KLRG2: variants seen among roughly 807,000 people sequenced by gnomAD.
KLRG2 encodes killer cell lectin-like receptor subfamily G member 2.
KLRG2 carries 39 observed loss-of-function variants against 35.4 expected under a neutral mutation model. The observed-to-expected ratio is 1.10, with a 90% CI of 0.85 to 1.44. The LOEUF (loss-of-function observed/expected upper bound fraction) is 1.44. KLRG2 is among the 40% of genes most tolerant of loss of function. KLRG2 has a pLI of 0.00. For missense variants in KLRG2, 632 were observed against 570.9 expected (o/e 1.11, Z -1.09); for synonymous variants, 283 against 265.8 (o/e 1.06, Z -0.63).
At chr7:139,475,147 C>T (rs533691461) in intron 3 of KLRG2, among the ~76,000 whole-genome samples, 1 of 152,318 alleles carries the variant, frequency 6.6e-6, no homozygotes, top group East Asian at 1.9e-4. Context: ...TCATGCCTGT[C>T]CAACGAAGTC....
At position 139,482,900 on chromosome 7, in the gene KLRG2, G is replaced by A; in HGVS notation, c.743C>T (p.Ala248Val). ...GLDGDEKLPR[A>V]VTLTGLPMYV... The stretch of plus-strand genomic sequence containing the variant: ...TGAGCACTCACCCGTAAGCGTTACG[G>A]CCCGGGGCAGCTTCTCGTCGCCGTC... The change falls in exon 1 of 5, where the codon GCC becomes GTC. Residue 248 changes from alanine (A) to valine (V), a missense_variant. Physicochemically the swap from Ala to Val is moderately conservative, Grantham distance 64. Transcript: ENST00000340940. The A allele has an allele frequency of 6.7e-7, 1 of 1,485,884 alleles. No homozygotes were observed. The highest frequency in any genetic ancestry group is 8.9e-7 in the Non-Finnish European group (1 of 1,129,416). The allele number at this position is 1,485,884 out of a possible 1,614,324, so 92.0% of individuals were successfully genotyped here.
At chr7:139,458,505 C>T (rs1240747346) in intron 3 of KLRG2, among the ~76,000 whole-genome samples, 1 of 152,136 alleles carries the variant, frequency 6.6e-6, no homozygotes, top group East Asian at 1.9e-4. Context: ...CATCACCATC[C>T]ATCTCCTGAA....
Position 139,453,513 on chromosome 7 carries a change from C to G in KLRG2, c.*74G>C. The G allele has an allele frequency of 6.7e-7, 1 of 1,501,976 alleles. No individual in the cohort carries two copies. The highest frequency in any genetic ancestry group is 9.0e-7 in the Non-Finnish European group (1 of 1,114,220). The allele number at this position is 1,501,976 out of a possible 1,614,324, so 93.0% of individuals were successfully genotyped here. On this transcript the variant is annotated 3_prime_UTR_variant, in exon 5 of 5. Transcript: ENST00000340940. ...TAACTGGGTCCAGGAAGAGGCTGCC[C>G]AAGCTCTCAACTGGCCTCCCCTGTA...
Position 139,483,188 on chromosome 7 carries a change from T to G in KLRG2, c.455A>C (p.Lys152Thr), listed in dbSNP as rs1860150. The change falls in exon 1 of 5, where the codon AAG (lysine) becomes ACG (threonine). Residue 152 changes from lysine to threonine, a missense_variant. Transcript: ENST00000340940. The part of the protein sequence containing the change: ...PSPRPSTRFL[K>T]VPVPESPAFS... The stretch of plus-strand genomic sequence containing the variant: ...GGCAGGGGACTCGGGCACCGGCACC[T>G]TGAGGAAGCGCGTGGAGGGCCTGGG... 779,316 of 1,507,744 alleles carry G rather than the reference T, an allele frequency of 0.52. 205,837 individuals are homozygous for G. The highest frequency in any genetic ancestry group is 0.8 in the African/African-American group (55,421 of 69,234). 93.4% of individuals were successfully genotyped at this position (1,507,744 alleles called of 1,614,324 possible).
At position 139,483,649 on chromosome 7, in the gene KLRG2, C is replaced by T. The variant is rs1160298615; in HGVS notation, c.-7G>A. On this transcript the variant is annotated 5_prime_UTR_variant, in exon 1 of 5. Coordinates refer to ENST00000340940, the MANE Select transcript of KLRG2 (RefSeq NM_198508.4). ...CCTCCCAAGACTCCTCCATCCCGCG[C>T]GCCCCGCCACCCGGAGACGCTGAGG... 2.0e-6 allele frequency: 3 copies of T among 1,492,418 alleles called. No individual in the cohort carries two copies. The highest frequency in any genetic ancestry group is 2.3e-5 in the Admixed American group (1 of 44,258). The allele number at this position is 1,492,418 out of a possible 1,614,324, so 92.4% of individuals were successfully genotyped here. A position where few individuals can be genotyped will look rare whatever the true frequency, so the allele number is the denominator to read the frequency against.
At chr7:139,445,781 G>GTGTATA in the KLRG2 span, among the ~76,000 whole-genome samples, 1,683 of 98,110 alleles carry the variant, frequency 0.017, 299 homozygotes, top group African/African-American at 0.12. Flanking sequence ...ATATATATAT[G>GTGTATA]TATATATATA....
chr7:139,447,701 C>G (rs2530719), downstream of KLRG2, among the ~76,000 whole-genome samples: 62,991 of 151,864 alleles, frequency 0.41, 16,061 homozygotes, highest in Non-Finnish European at 0.55. Flanking sequence ...CCGCACCCAG[C>G]CTTTTGAATT....
chr7:139,445,797 GTA>G, the KLRG2 span, among the ~76,000 whole-genome samples: 2 of 99,070 alleles, frequency 2.0e-5, no homozygotes, highest in African/African-American at 1.5e-4. Context: ...ATATATGTGT[GTA>G]TATATATATG....
chr7:139,435,880 A>C, the KLRG2 span, among the ~76,000 whole-genome samples: 1 of 150,172 alleles, frequency 6.7e-6, no homozygotes, highest in Non-Finnish European at 1.5e-5. Flanking sequence ...TGAAGTGTCT[A>C]TTCAGATCTT....
the KLRG2 span, among the ~76,000 whole-genome samples, chr7:139,438,780 A>T: frequency 3.7e-3 from 555 of 150,964 alleles, 6 homozygotes; most frequent in African/African-American, 0.013. Context: ...GGTGCAAGTG[A>T]TTCTCCTGCC....
At chr7:139,457,359 A>AACAGT (rs1796495047) in intron 3 of KLRG2, among the ~76,000 whole-genome samples, 1 of 152,154 alleles carries the variant, frequency 6.6e-6, no homozygotes, top group Non-Finnish European at 1.5e-5. Flanking sequence ...ACCAGGGCTC[A>AACAGT]GTGCCTCTTC....
downstream of KLRG2, chr7:139,448,869 G>C (rs962844367): frequency 3.3e-5 from 5 of 152,132 alleles, no homozygotes; most frequent in African/African-American, 1.2e-4. Context: ...AGCGCTTTGG[G>C]AGGCTGAGGC....
At chr7:139,482,414 C>A (rs888441657) in intron 1 of KLRG2, among the ~76,000 whole-genome samples, 1 of 151,208 alleles carries the variant, frequency 6.6e-6, no homozygotes, top group African/African-American at 2.4e-5. Flanking sequence ...TTTTTTGAGA[C>A]GGAGTTTCTC....
At chr7:139,449,798 C>G (rs1209203402), downstream of KLRG2, among the ~76,000 whole-genome samples, 2 of 143,650 alleles carry the variant, frequency 1.4e-5, no homozygotes, top group African/African-American at 5.1e-5. Context: ...CTGCCAGGTT[C>G]ACGCCATTCT....
chr7:139,480,300 C>A (rs1340694374), intron 1 of KLRG2, 53 bp from the exon 2 acceptor site: 20 of 1,006,432 alleles, frequency 2.0e-5, no homozygotes. Context: ...TCCCAACCAA[C>A]CCAACTCAGA....
chr7:139,479,053 T>G (rs1212553932), intron 3 of KLRG2, among the ~76,000 whole-genome samples: 1 of 152,118 alleles, frequency 6.6e-6, no homozygotes, highest in Non-Finnish European at 1.5e-5. Context: ...CGTGAGACCC[T>G]GTCCCTTAAA....
intron 3 of KLRG2, among the ~76,000 whole-genome samples, chr7:139,462,211 G>A (rs1402757330): frequency 6.6e-6 from 1 of 152,186 alleles, no homozygotes; most frequent in Non-Finnish European, 1.5e-5. Flanking sequence ...TAATCACGCA[G>A]GGATGCCTGC....
chr7:139,470,736 G>A (rs975071390), intron 3 of KLRG2, among the ~76,000 whole-genome samples: 2 of 151,904 alleles, frequency 1.3e-5, no homozygotes, highest in African/African-American at 4.8e-5. Flanking sequence ...AGGCTGCAGC[G>A]AGCTATGATG....
chr7:139,437,425 CAAA>C, the KLRG2 span, among the ~76,000 whole-genome samples: 1,303 of 73,154 alleles, frequency 0.018, 22 homozygotes, highest in African/African-American at 0.05. Context: ...ACTCCATCTC[CAAA>C]AAAAAAAAAA....
Sources: allele counts gnomAD v4.1 joint callset (sites outside exome capture counted in the v4.1 genomes callset), GRCh38; gene constraint gnomAD v4.1.1; transcripts MANE v1.5; gene names NCBI Gene and HGNC (gene_info 2026-07-23, HGNC 2026-07-21).